The following CR1L variants were observed in gnomAD, a reference collection of about 807,000 sequenced individuals.
The protein encoded by CR1L is complement C3b/C4b receptor 1 like.
In CR1L, 59 loss-of-function variants were observed where a neutral mutation model predicts 62.3. The observed-to-expected ratio is 0.95, with a 90% confidence interval of 0.77 to 1.18. The LOEUF is 1.18. Among genes scored for constraint, CR1L ranks in the 50% most tolerant of loss-of-function variants. The pLI is 0.00. For synonymous variants in CR1L, 279 were observed against 248.7 expected (o/e 1.12, Z -1.15); for missense variants, 700 against 702.8 (o/e 1.00, Z 0.04).
intron 3 of CR1L, among the ~76,000 whole-genome samples, chr1:207,681,479 G>T (rs367591047): frequency 1.2e-4 from 18 of 152,172 alleles, no homozygotes; most frequent in Admixed American, 4.6e-4. Flanking sequence ...TTCTGAATGA[G>T]AAAAGTTCAA....
At chr1:207,686,952 A>T (rs1266924252) in intron 4 of CR1L, among the ~76,000 whole-genome samples, 1 of 152,148 alleles carries the variant, frequency 6.6e-6, no homozygotes, top group Non-Finnish European at 1.5e-5. Flanking sequence ...TTGGTCCTGA[A>T]CTCCTTAGCC....
At chr1:207,674,366 T>C (rs1287840944) in intron 1 of CR1L, among the ~76,000 whole-genome samples, 5 of 152,194 alleles carry the variant, frequency 3.3e-5, no homozygotes, top group Admixed American at 1.3e-4. Context: ...AATAAAGCTA[T>C]AAAAACTTTT....
In CR1L at chr1:207,654,831, C is replaced by T. The variant is rs148450247; in HGVS notation, c.97+9501C>T. Among the ~76,000 whole-genome samples, 1,011 of 152,292 alleles carry T rather than the reference C, an allele frequency of 6.6e-3. 9 individuals carry two copies. Among genetic ancestry groups the T allele is most frequent in the Middle Eastern group, 0.024 (7 of 294 alleles). On this transcript the variant is annotated intron_variant, in intron 1 of 11. Coordinates refer to ENST00000508064, the MANE Select transcript of CR1L (RefSeq NM_175710.2). ...AAGCAGAGACTCTAATCCAGGCATT[C>T]CAGCTCTAGGGCCTGTTCTCTCTAC...
At chr1:207,659,017 A>G (rs1490401985) in intron 1 of CR1L, 1 of 152,468 alleles carries the variant, frequency 6.6e-6, no homozygotes, top group East Asian at 1.9e-4. Flanking sequence ...GGATGCACCA[A>G]GCTGGGCCCC....
intron 1 of CR1L, among the ~76,000 whole-genome samples, chr1:207,674,861 C>T (rs1371789908): frequency 7.1e-5 from 10 of 141,470 alleles, no homozygotes; most frequent in African/African-American, 2.5e-4. Flanking sequence ...CTGTTTTATT[C>T]GTGTTTTTTT....
intron 10 of CR1L, chr1:207,710,869 G>A (rs1664346163): frequency 1.5e-6 from 2 of 1,313,366 alleles, no homozygotes; most frequent in Admixed American, 1.8e-5. Context: ...TTAGGGGGAG[G>A]GATGTATGTT....
intron 3 of CR1L, among the ~76,000 whole-genome samples, chr1:207,682,052 C>T (rs1027720962): frequency 2.0e-5 from 3 of 151,930 alleles, no homozygotes; most frequent in Admixed American, 1.3e-4. Context: ...TGTAGGTGAC[C>T]GGTTGACGGG....
At chr1:207,678,322 C>T (rs1490152501) in intron 3 of CR1L, 25 bp downstream of exon 3, 10 of 1,578,152 alleles carry the variant, frequency 6.3e-6, no homozygotes, top group South Asian at 1.1e-5. Flanking sequence ...CTTGAACCAA[C>T]ATCTCTTGGT....
Position 207,645,242 on chromosome 1 carries a change from TC to T in CR1L, c.12del (p.Val5SerfsTer45). The stretch of plus-strand genomic sequence containing the variant: ...GGTCTCCCGCGCCGCTCATGGCGCC[TC>T]CCGTCCGTCTCGAGCGTCCCTTTCC... MAPPVRLERPFPSR... is the reference protein window; with the variant it reads MAPXVRLERPFPSR... On this transcript the variant is annotated frameshift_variant, in exon 1 of 12. Coordinates refer to ENST00000508064, the MANE Select transcript of CR1L (RefSeq NM_175710.2). LOFTEE classifies it high-confidence loss of function. 6.2e-7 allele frequency: 1 copy of T among 1,613,168 alleles called. No individual in the cohort carries two copies. Among genetic ancestry groups the T allele is most frequent in the Non-Finnish European group, 8.5e-7 (1 of 1,179,972 alleles).
At chr1:207,703,391 C>G (rs1460058492) in intron 9 of CR1L, among the ~76,000 whole-genome samples, 1 of 152,162 alleles carries the variant, frequency 6.6e-6, no homozygotes, top group Admixed American at 6.5e-5. Context: ...CTAAATGTAC[C>G]TTGCCTGTGT....
chr1:207,698,319 A>C (rs1003323611), intron 7 of CR1L, among the ~76,000 whole-genome samples: 1 of 152,230 alleles, frequency 6.6e-6, no homozygotes, highest in African/African-American at 2.4e-5. Flanking sequence ...ATCAGTAATG[A>C]AATTTGTAAT....
At chr1:207,705,655 T>C (rs1401564977) in intron 9 of CR1L, among the ~76,000 whole-genome samples, 1 of 152,194 alleles carries the variant, frequency 6.6e-6, no homozygotes, top group Non-Finnish European at 1.5e-5. Flanking sequence ...TTTTTGAGCA[T>C]TTTTAAAAAT....
chr1:207,707,375 C>G (rs1426300738), intron 9 of CR1L, among the ~76,000 whole-genome samples: 3 of 152,166 alleles, frequency 2.0e-5, no homozygotes. Context: ...CGCCTGTAGT[C>G]CCAGCACTTT....
chr1:207,648,325 C>T (rs1402971042), intron 1 of CR1L, among the ~76,000 whole-genome samples: 1 of 150,516 alleles, frequency 6.6e-6, no homozygotes, highest in African/African-American at 2.4e-5. Context: ...TGGAAGATAA[C>T]AAAACTAAAA....
intron 9 of CR1L, among the ~76,000 whole-genome samples, chr1:207,706,617 T>G (rs1664271993): frequency 6.6e-6 from 1 of 151,948 alleles, no homozygotes; most frequent in Non-Finnish European, 1.5e-5. Context: ...AGAAATAAAT[T>G]TATTGACACC....
rs150093163 is a variant in CR1L, at chr1:207,677,901, A to G, written c.278-297A>G. Among the ~76,000 whole-genome samples, 808 of 152,352 alleles carry G rather than the reference A, an allele frequency of 5.3e-3. 10 individuals carry two copies. Among genetic ancestry groups the G allele is most frequent in the African/African-American group, 0.017 (697 of 41,582 alleles). On this transcript the variant is annotated intron_variant, in intron 2 of 11. Coordinates refer to ENST00000508064, the MANE Select transcript of CR1L (RefSeq NM_175710.2). ...GATTAAATAACTAAAAGATGCGACA[A>G]TCTTGGGCCTTGAGATCTTTGGATT...
chr1:207,645,426 G>C lies in CR1L; in HGVS notation c.97+96G>C, dbSNP rs1663104937. The C allele has an allele frequency of 2.2e-6, 3 of 1,366,214 alleles. No individual in the cohort carries two copies. In the Admixed American group the frequency reaches 5.1e-5, roughly 23 times the overall value. 84.6% of individuals were successfully genotyped at this position (1,366,214 alleles called of 1,614,324 possible). A position where few individuals can be genotyped will look rare whatever the true frequency, so the allele number is the denominator to read the frequency against. On this transcript the variant is annotated intron_variant, in intron 1 of 11. Coordinates refer to ENST00000508064, the MANE Select transcript of CR1L (RefSeq NM_175710.2). ...CGCGGGGCGAAGCTCACTGCACGTC[G>C]TGCCTGCTTGGGATAGAGAGCGAGG...
At chr1:207,653,780 T>C (rs1342621410) in intron 1 of CR1L, among the ~76,000 whole-genome samples, 1 of 151,964 alleles carries the variant, frequency 6.6e-6, no homozygotes, top group Non-Finnish European at 1.5e-5. Context: ...GTAAATGTAA[T>C]TTTCATAGAT....
intron 10 of CR1L, among the ~76,000 whole-genome samples, chr1:207,709,926 T>C (rs1664327274): frequency 6.6e-6 from 1 of 152,140 alleles, no homozygotes; most frequent in African/African-American, 2.4e-5. Context: ...CTCACAATAT[T>C]ATAAAATTGT....
Sources: allele counts gnomAD v4.1 joint callset (sites outside exome capture counted in the v4.1 genomes callset), GRCh38; gene constraint gnomAD v4.1.1; transcripts MANE v1.5; gene names NCBI Gene and HGNC (gene_info 2026-07-23, HGNC 2026-07-21).